The following PACSIN2 variants were observed in gnomAD, a reference collection of about 807,000 sequenced individuals.
PACSIN2 encodes the protein protein kinase C and casein kinase substrate in neurons 2.
A neutral mutation model predicts 63.8 loss-of-function variants in PACSIN2; 25 were observed. The observed-to-expected ratio is 0.39, with a 90% CI of 0.29 to 0.55. PACSIN2 has a LOEUF of 0.55. PACSIN2 is among the 20% of genes least tolerant of loss of function. PACSIN2 has a pLI of 0.62. For missense variants in PACSIN2, 518 were observed against 646.9 expected (o/e 0.80, Z 2.16); for synonymous variants, 255 against 256.2 (o/e 1.00, Z 0.05).
At chr22:43,003,521 T>C (rs1436949649) in intron 1 of PACSIN2, among the ~76,000 whole-genome samples, 1 of 152,166 alleles carries the variant, frequency 6.6e-6, no homozygotes, top group East Asian at 1.9e-4. Flanking sequence ...GAGAATGGTG[T>C]GAACCCAGGA....
At chr22:42,939,442 G>A (rs1039770318) in intron 1 of PACSIN2, among the ~76,000 whole-genome samples, 1 of 152,190 alleles carries the variant, frequency 6.6e-6, no homozygotes, top group Non-Finnish European at 1.5e-5. Context: ...ATGTACAAGA[G>A]TCTAAAGATT....
chr22:42,947,678 G>GGT (rs909127493), intron 1 of PACSIN2, among the ~76,000 whole-genome samples: 1 of 139,978 alleles, frequency 7.1e-6, no homozygotes, highest in African/African-American at 2.5e-5. Context: ...CTGGGGGTGG[G>GGT]GGGGGGGACC....
chr22:42,985,213 A>G (rs1374926383), intron 1 of PACSIN2, among the ~76,000 whole-genome samples: 1 of 152,224 alleles, frequency 6.6e-6, no homozygotes, highest in Non-Finnish European at 1.5e-5. Flanking sequence ...CTGTAATCCC[A>G]GCTACTTGGG....
intron 1 of PACSIN2, among the ~76,000 whole-genome samples, chr22:42,950,847 G>C (rs1024592645): frequency 6.6e-6 from 1 of 152,222 alleles, no homozygotes; most frequent in Non-Finnish European, 1.5e-5. Context: ...CCCGGGATGG[G>C]TAGAAGTGAC....
intron 2 of PACSIN2, among the ~76,000 whole-genome samples, chr22:42,898,671 A>G (rs1400309567): frequency 6.6e-6 from 1 of 151,888 alleles, no homozygotes; most frequent in Admixed American, 6.6e-5. Context: ...CCTCCAGGGA[A>G]TCCACTCCCT....
intron 1 of PACSIN2, among the ~76,000 whole-genome samples, chr22:42,973,531 C>G (rs190151620): frequency 3.7e-4 from 57 of 152,374 alleles, no homozygotes; most frequent in African/African-American, 1.3e-3. Flanking sequence ...TTCATTCAAT[C>G]AGAAACTCTA....
intron 2 of PACSIN2, among the ~76,000 whole-genome samples, chr22:42,903,874 ATCC>A (rs751940931): frequency 1.3e-5 from 2 of 152,154 alleles, no homozygotes; most frequent in Non-Finnish European, 2.9e-5. Flanking sequence ...GACTGGCCGT[ATCC>A]TCTGTTCCTG....
intron 1 of PACSIN2, among the ~76,000 whole-genome samples, chr22:43,005,987 C>T (rs1924066047): frequency 6.6e-6 from 1 of 151,758 alleles, no homozygotes; most frequent in Admixed American, 6.6e-5. Flanking sequence ...GAGATAGGGT[C>T]TCACTATGTT....
intron 1 of PACSIN2, among the ~76,000 whole-genome samples, chr22:42,998,876 G>A (rs969731214): frequency 6.6e-6 from 1 of 152,156 alleles, no homozygotes; most frequent in Admixed American, 6.5e-5. Context: ...AAGTCGAGAG[G>A]AGTTGAGCTG....
intron 2 of PACSIN2, among the ~76,000 whole-genome samples, chr22:42,901,567 G>A (rs1169322521): frequency 6.6e-6 from 1 of 152,222 alleles, no homozygotes; most frequent in African/African-American, 2.4e-5. Context: ...TCAGTTGTCA[G>A]GTAGAGTCAG....
At chr22:42,929,983 T>C (rs890989284) in intron 1 of PACSIN2, among the ~76,000 whole-genome samples, 11 of 152,202 alleles carry the variant, frequency 7.2e-5, no homozygotes, top group Non-Finnish European at 1.6e-4. Flanking sequence ...CATCCAGGCA[T>C]CTGTCTCTCC....
At chr22:42,902,277 AGCTGAGGAAAAT>A (rs1930744241) in intron 2 of PACSIN2, among the ~76,000 whole-genome samples, 1 of 152,214 alleles carries the variant, frequency 6.6e-6, no homozygotes, top group South Asian at 2.1e-4. Context: ...GCTTTCTCAC[AGCTGAGGAAAAT>A]GCCATGAGGC....
At chr22:42,959,003 AAAC>A (rs1377826088) in intron 1 of PACSIN2, among the ~76,000 whole-genome samples, 1 of 152,246 alleles carries the variant, frequency 6.6e-6, no homozygotes, top group Non-Finnish European at 1.5e-5. Flanking sequence ...TCAGTTATTA[AAAC>A]AATAAGACTT....
At chr22:42,916,566 C>T in intron 1 of PACSIN2, among the ~76,000 whole-genome samples, 1 of 152,122 alleles carries the variant, frequency 6.6e-6, no homozygotes, top group Non-Finnish European at 1.5e-5. Flanking sequence ...GCCGCACCAG[C>T]CTCAGCGTAT....
In PACSIN2 at chr22:42,871,281, G is replaced by A; in HGVS notation, c.*76C>T. 4 of 853,602 alleles carry A rather than the reference G, an allele frequency of 4.7e-6. No homozygotes were observed. In the East Asian group the frequency reaches 9.8e-5, roughly 21 times the overall value. 52.9% of individuals were successfully genotyped at this position (853,602 alleles called of 1,614,324 possible). A position where few individuals can be genotyped will look rare whatever the true frequency, so the allele number is the denominator to read the frequency against. ...GAACCATCATCTCTTGCAGGAAAAG[G>A]AGTGGATGCCCACGTGGCTGGCTGA... On this transcript the variant is annotated 3_prime_UTR_variant, in exon 11 of 11. Coordinates refer to ENST00000263246, the MANE Select transcript of PACSIN2 (RefSeq NM_001184970.3). This position sits in a 1 kb window ranked among gnomAD's most constrained non-coding sequence, Gnocchi z 5.4.
At chr22:42,905,103 C>CA in intron 2 of PACSIN2, among the ~76,000 whole-genome samples, 1 of 152,204 alleles carries the variant, frequency 6.6e-6, no homozygotes, top group South Asian at 2.1e-4. Flanking sequence ...CAGAAATGCA[C>CA]AAAAAAAATT....
chr22:42,991,453 C>T (rs901314329), intron 1 of PACSIN2, among the ~76,000 whole-genome samples: 1 of 152,230 alleles, frequency 6.6e-6, no homozygotes, highest in African/African-American at 2.4e-5. Flanking sequence ...ACCTCTCTGT[C>T]CTGGCAAGCC....
In PACSIN2 at chr22:42,879,147, C is replaced by T. The variant is rs750834553; in HGVS notation, c.929G>A (p.Arg310Gln). 4.3e-6 allele frequency: 7 copies of T among 1,613,810 alleles called. No homozygotes were observed. Among genetic ancestry groups the T allele is most frequent in the Admixed American group, 1.7e-5 (1 of 59,978 alleles). ...QFEEWSADLN[R>Q]TLSRREKKKA... is the part of the protein sequence containing the mutation. ...CTTCTTCTCTCTCCGGCTGAGGGTT[C>T]GATTCAGGTCTGCGGACCACTCCTA... The change falls in exon 8 of 11, where the codon CGA becomes CAA. Residue 310 changes from arginine (R) to glutamine (Q), a missense_variant. Arg to Gln is a conservative substitution (Grantham distance 43, BLOSUM62 1). Transcript: ENST00000263246.
In PACSIN2 at chr22:42,888,886, C is replaced by G. The variant is rs971014658; in HGVS notation, c.454-88G>C. ...CACACAGACCATGGGAATGCTTGTG[C>G]TACCAAGAGGGGAGAAAAAGGCAGG... On this transcript the variant is annotated intron_variant, in intron 4 of 10. Transcript: ENST00000263246. 4 of 1,380,514 alleles carry G rather than the reference C, an allele frequency of 2.9e-6. No individual in the cohort carries two copies. The African/African-American group carries it at 5.7e-5, about 20-fold the overall frequency. The allele number at this position is 1,380,514 out of a possible 1,614,324, so 85.5% of individuals were successfully genotyped here. A position where few individuals can be genotyped will look rare whatever the true frequency, so the allele number is the denominator to read the frequency against.
Sources: gnomAD v4.1 joint callset for allele counts (sites outside exome capture counted in the v4.1 genomes callset) on GRCh38, gnomAD v4.1.1 for gene constraint, Gnocchi (gnomAD v3.1) non-coding constraint, MANE v1.5 for transcripts, NCBI Gene and HGNC (gene_info 2026-07-23, HGNC 2026-07-21) for gene names.